The following NTN1 variants were observed in gnomAD, a reference collection of about 807,000 sequenced individuals.
NTN1 encodes netrin 1, also known as netrin-1.
Under a neutral mutation model 54.2 loss-of-function variants are expected in NTN1, and 11 were observed. The observed-to-expected ratio is 0.20, with a 90% CI of 0.13 to 0.34. The LOEUF (loss-of-function observed/expected upper bound fraction) is 0.34, where lower values mean the gene tolerates loss of function less well. NTN1 is among the 10% of genes least tolerant of loss of function. NTN1 has a pLI of 1.00. For missense variants in NTN1, 740 were observed against 893.1 expected (o/e 0.83, Z 2.18); for synonymous variants, 371 against 382.0 (o/e 0.97, Z 0.33).
rs1567743315 is a variant in NTN1, at chr17:9,221,961, G to A, written c.1486+719G>A. Among the ~76,000 whole-genome samples the A allele has an allele frequency of 1.3e-5, 2 of 152,222 alleles. No homozygotes were observed. Among genetic ancestry groups the A allele is most frequent in the Non-Finnish European group, 2.9e-5 (2 of 68,014 alleles). On this transcript the variant is annotated intron_variant, in intron 6 of 6. Transcript: ENST00000173229. This position sits in a 1 kb window ranked among gnomAD's most constrained non-coding sequence, Gnocchi z 4.5. ...GTGTGAAGAGCTGGGGCTGGTGGCA[G>A]GGGCTCTTCAGAATGGGGGACGCAA... is the stretch of plus-strand genomic sequence containing the variant.
chr17:9,156,577 G>A (rs2092342927), intron 2 of NTN1, among the ~76,000 whole-genome samples: 1 of 152,184 alleles, frequency 6.6e-6, no homozygotes. Flanking sequence ...GGGTCTTTTG[G>A]GGTGGGCCAA....
rs113893303 is a variant in NTN1, at chr17:9,221,147, T to TCCCCCC, written c.1412-18_1412-13dup. 630 of 1,303,838 alleles carry TCCCCCC rather than the reference T, an allele frequency of 4.8e-4. 4 individuals are homozygous for TCCCCCC. Among genetic ancestry groups the TCCCCCC allele is most frequent in the Admixed American group, 1.5e-3 (71 of 47,748 alleles). The allele number at this position is 1,303,838 out of a possible 1,614,324, so 80.8% of individuals were successfully genotyped here. A position where few individuals can be genotyped will look rare whatever the true frequency, so the allele number is the denominator to read the frequency against. ...CAGCCTAATTAGTTTTTGTCTGTGC[T>TCCCCCC]CCCCCCCCACCCCCCTGCAGACTGC... On this transcript the variant is annotated intron_variant, in intron 5 of 6. Coordinates refer to ENST00000173229, the MANE Select transcript of NTN1 (RefSeq NM_004822.3). This position sits in a 1 kb window ranked among gnomAD's most constrained non-coding sequence, Gnocchi z 4.5.
At chr17:9,064,508 A>G (rs1486171542) in intron 2 of NTN1, among the ~76,000 whole-genome samples, 1 of 152,140 alleles carries the variant, frequency 6.6e-6, no homozygotes, top group Non-Finnish European at 1.5e-5. Flanking sequence ...GGGTTGTTCC[A>G]AATCCCTCTT....
At chr17:9,232,237 G>A (rs1905839537) in intron 6 of NTN1, among the ~76,000 whole-genome samples, 1 of 152,204 alleles carries the variant, frequency 6.6e-6, no homozygotes, top group Non-Finnish European at 1.5e-5. Context: ...AGGCTGCTGT[G>A]CTGGAGGCAG....
chr17:9,227,390 A>G (rs1905613256), intron 6 of NTN1, among the ~76,000 whole-genome samples: 1 of 89,398 alleles, frequency 1.1e-5, no homozygotes. Flanking sequence ...ACCACACACT[A>G]TCACACAGGC....
intron 6 of NTN1, among the ~76,000 whole-genome samples, chr17:9,224,191 A>G (rs1393532492): frequency 3.5e-5 from 5 of 144,472 alleles, no homozygotes; most frequent in African/African-American, 5.2e-5. Flanking sequence ...CTGCCTCCCC[A>G]ACAATATTCC....
At chr17:9,196,793 G>A (rs909622092) in intron 5 of NTN1, among the ~76,000 whole-genome samples, 1 of 152,160 alleles carries the variant, frequency 6.6e-6, no homozygotes, top group Non-Finnish European at 1.5e-5. Flanking sequence ...AAAGGAGAAA[G>A]CCTTCTATTT....
chr17:9,117,771 C>CCA (rs2092218926), intron 2 of NTN1, among the ~76,000 whole-genome samples: 1 of 126,784 alleles, frequency 7.9e-6, no homozygotes, highest in Non-Finnish European at 1.7e-5. Flanking sequence ...ACAAAAAAAC[C>CCA]AAAAAAAAAA....
intron 2 of NTN1, among the ~76,000 whole-genome samples, chr17:9,076,068 C>T (rs994208172): frequency 6.6e-6 from 1 of 152,166 alleles, no homozygotes; most frequent in Non-Finnish European, 1.5e-5. Flanking sequence ...GGAGGTGATT[C>T]CCCATGGTCC....
At chr17:9,227,816 C>T (rs1905647438) in intron 6 of NTN1, among the ~76,000 whole-genome samples, 1 of 112,240 alleles carries the variant, frequency 8.9e-6, no homozygotes, top group Non-Finnish European at 2.0e-5. Context: ...CACTATCCCA[C>T]ACTATTACAC....
rs144036023 is a variant in NTN1 at position 9,186,104 on chromosome 17, G to A, written c.1411+3135G>A. Among the ~76,000 whole-genome samples the A allele has an allele frequency of 1.4e-3, 207 of 152,280 alleles. 1 individual carries two copies. Among genetic ancestry groups the A allele is most frequent in the African/African-American group, 4.7e-3 (197 of 41,558 alleles). On this transcript the variant is annotated intron_variant, in intron 5 of 6. Transcript: ENST00000173229. Reference sequence around the variant, plus strand: ...ACATCCCAGGCAGAGGCCTGTGGGCGGAGGTGCTGGTAAGTATTTAGCAAC... The same window carrying A: ...ACATCCCAGGCAGAGGCCTGTGGGCAGAGGTGCTGGTAAGTATTTAGCAAC...
In NTN1 at chr17:9,184,864, G is replaced by T. The variant is rs756428938; in HGVS notation, c.1411+1895G>T. Reference sequence around the variant, plus strand: ...TAAAACTTCCGAGGTTCTTGGCTCCGCCAGACAAAAGATTCCGGAGCAGCC... The same window carrying T: ...TAAAACTTCCGAGGTTCTTGGCTCCTCCAGACAAAAGATTCCGGAGCAGCC... On this transcript the variant is annotated intron_variant, in intron 5 of 6. Coordinates refer to ENST00000173229, the MANE Select transcript of NTN1 (RefSeq NM_004822.3). 2.8e-4 allele frequency among the ~76,000 whole-genome samples: 42 copies of T among 152,334 alleles called. 1 individual carries two copies. The highest frequency in any genetic ancestry group is 9.9e-4 in the African/African-American group (41 of 41,586).
chr17:9,006,330 G>C, the NTN1 span, among the ~76,000 whole-genome samples: 4 of 152,206 alleles, frequency 2.6e-5, no homozygotes, highest in African/African-American at 9.7e-5. Flanking sequence ...AGGTCAGCTT[G>C]GTTCATCCCT....
At chr17:9,092,604 T>A (rs544206694) in intron 2 of NTN1, among the ~76,000 whole-genome samples, 3 of 151,868 alleles carry the variant, frequency 2.0e-5, no homozygotes, top group South Asian at 4.2e-4. Flanking sequence ...TAGGTCAAAA[T>A]TTTTTTTGAG....
chr17:9,022,487 C>G lies in NTN1; in HGVS notation c.114C>G (p.Pro38=). ...TGTTCGCGGGCCAGGCGGCGCAGCC[C>G]GATCCCTGCTCGGACGAGAACGGCC... ...LSMFAGQAAQ[P]DPCSDENGHP... is the part of the protein sequence containing the mutation. Residue 38 remains proline, a synonymous_variant, in exon 2 of 7, where the codon CCC becomes CCG. Coordinates refer to ENST00000173229, the MANE Select transcript of NTN1 (RefSeq NM_004822.3). The G allele has an allele frequency of 8.5e-6, 13 of 1,537,494 alleles. No homozygotes were observed. The highest frequency in any genetic ancestry group is 4.9e-5 in the East Asian group (2 of 40,792).
Position 9,053,612 on chromosome 17 carries a change from C to T in NTN1, c.1018+30221C>T, listed in dbSNP as rs72809957. 5.5e-3 allele frequency among the ~76,000 whole-genome samples: 833 copies of T among 152,354 alleles called. 4 individuals carry two copies. The highest frequency in any genetic ancestry group is 0.01 in the Middle Eastern group (3 of 294). On this transcript the variant is annotated intron_variant, in intron 2 of 6. Transcript: ENST00000173229. ...GGAGGACAAGGATTCCGACTGTTAT[C>T]TTTCTGTCCTCAGGGTCTAGCAGGA...
chr17:9,218,186 C>T (rs1030842046), intron 5 of NTN1, among the ~76,000 whole-genome samples: 27 of 152,324 alleles, frequency 1.8e-4, no homozygotes, highest in Admixed American at 5.2e-4. Flanking sequence ...ACCCAGGCAT[C>T]GTGATGCCAC....
intron 6 of NTN1, among the ~76,000 whole-genome samples, chr17:9,227,780 C>T (rs1291685078): frequency 6.6e-6 from 1 of 151,308 alleles, no homozygotes; most frequent in Non-Finnish European, 1.5e-5. Flanking sequence ...GGCACACATA[C>T]CACACACATA....
intron 5 of NTN1, among the ~76,000 whole-genome samples, chr17:9,210,460 ACACACACT>A (rs761916584): frequency 0.04 from 5,591 of 138,874 alleles, 168 homozygotes; most frequent in East Asian, 0.17. Flanking sequence ...ACACACACAC[ACACACACT>A]CTTCTGCTGT....
Sources: gnomAD v4.1 joint callset for allele counts (sites outside exome capture counted in the v4.1 genomes callset) on GRCh38, gnomAD v4.1.1 for gene constraint, Gnocchi (gnomAD v3.1) non-coding constraint, MANE v1.5 for transcripts, NCBI Gene and HGNC (gene_info 2026-07-23, HGNC 2026-07-21) for gene names.